Variants in IFITM10 observed in about 807,000 individuals in gnomAD.
IFITM10 encodes interferon induced transmembrane protein 10, also known as interferon-induced transmembrane protein 10.
IFITM10 carries 17 observed loss-of-function variants against 19.0 expected under a neutral mutation model. The observed-to-expected ratio is 0.90, with a 90% CI of 0.61 to 1.34. The LOEUF is 1.34. Among genes scored for constraint, IFITM10 ranks in the 40% most tolerant of loss-of-function variants. The probability of loss-of-function intolerance (pLI) is 0.00; values close to 1 mark genes in which losing one functional copy is unlikely to be tolerated. For synonymous variants in IFITM10, 148 were observed against 147.2 expected, an observed-to-expected ratio of 1.01 and a Z score of -0.04; for missense variants, 306 against 319.8, an observed-to-expected ratio of 0.96 and a Z score of 0.33.
chr11:1,739,223 T>G (rs1465298463), intron 2 of IFITM10, among the ~76,000 whole-genome samples: 1 of 152,066 alleles, frequency 6.6e-6, no homozygotes, highest in East Asian at 1.9e-4. Context: ...CTGGATATAG[T>G]AACGGATGCT....
intron 2 of IFITM10, chr11:1,746,372 G>A: frequency 2.5e-6 from 1 of 395,224 alleles, no homozygotes. Flanking sequence ...AAAAATATAT[G>A]TACACACTCA....
chr11:1,747,771 G>T lies in IFITM10; in HGVS notation c.433C>A (p.Pro145Thr). ...TNPTTVIEVY[P>T]DTTEVNDYYL... ...TAGTCGTTCACCTCGGTGGTGTCCG[G>T]GTAGACCTCGATGACGGTCGTGGGG... Residue 145 changes from proline (P) to threonine (T), a missense_variant, in exon 2 of 3, where the codon CCG (proline) becomes ACG (threonine). By Grantham distance (38) the Pro-to-Thr change is conservative. Coordinates refer to ENST00000340134, the MANE Select transcript of IFITM10 (RefSeq NM_001170820.4). 6.4e-7 allele frequency: 1 copy of T among 1,551,790 alleles called. No homozygotes were observed.
At position 1,747,805 on chromosome 11, in the gene IFITM10, C is replaced by G. The variant is rs1845668056; in HGVS notation, c.399G>C (p.Thr133=). The G allele has an allele frequency of 6.4e-7, 1 of 1,550,698 alleles. No homozygotes were observed. Among genetic ancestry groups the G allele is most frequent in the Non-Finnish European group, 8.7e-7 (1 of 1,146,246 alleles). The change falls in exon 2 of 3, where the codon ACG becomes ACC. Residue 133 remains threonine, a synonymous_variant. Coordinates refer to ENST00000340134, the MANE Select transcript of IFITM10 (RefSeq NM_001170820.4). ...PACKHLAEKK[T]MTNPTTVIEV... Reference sequence around the variant, plus strand: ...CGATGACGGTCGTGGGGTTGGTCATCGTCTTCTTCTCGGCTAGGTGCTTGC... The same window carrying G: ...CGATGACGGTCGTGGGGTTGGTCATGGTCTTCTTCTCGGCTAGGTGCTTGC...
At chr11:1,739,762 T>C (rs575063808) in intron 2 of IFITM10, among the ~76,000 whole-genome samples, 1 of 151,948 alleles carries the variant, frequency 6.6e-6, no homozygotes, top group Non-Finnish European at 1.5e-5. Context: ...GACTCGGCCA[T>C]GTGTTCATCT....
At chr11:1,735,530 G>C in intron 2 of IFITM10, 101 bp from the exon 3 acceptor site, 1 of 1,042,688 alleles carries the variant, frequency 9.6e-7, no homozygotes, top group Non-Finnish European at 1.4e-6. Flanking sequence ...GCTCAGCACA[G>C]TACCAGTGCT....
chr11:1,739,756 C>T (rs1007341869), intron 2 of IFITM10, among the ~76,000 whole-genome samples: 4 of 151,908 alleles, frequency 2.6e-5, no homozygotes, highest in African/African-American at 7.3e-5. Flanking sequence ...GTGACAGACT[C>T]GGCCATGTGT....
rs1023579152 is a variant in IFITM10 at position 1,733,169 on chromosome 11, C to T, written c.*2111G>A. ...CCCACAACCAGGCTGCCCACAGTCT[C>T]GGCAAGGCTTTCAGCCGCCCCTGGC... On this transcript the variant is annotated 3_prime_UTR_variant, in exon 3 of 3. Coordinates refer to ENST00000340134, the MANE Select transcript of IFITM10 (RefSeq NM_001170820.4). This position sits in a 1 kb window ranked among gnomAD's most constrained non-coding sequence, Gnocchi z 6.3. 3 of 152,414 alleles carry T rather than the reference C, an allele frequency of 2.0e-5. No individual in the cohort carries two copies. Among genetic ancestry groups the T allele is most frequent in the Non-Finnish European group, 4.4e-5 (3 of 68,236 alleles). The allele number at this position is 152,414 out of a possible 1,614,324, so 9.4% of individuals were successfully genotyped here.
chr11:1,750,107 C>G (rs1197857151), intron 1 of IFITM10, among the ~76,000 whole-genome samples: 1 of 152,054 alleles, frequency 6.6e-6, no homozygotes, highest in Non-Finnish European at 1.5e-5. Context: ...CCCTTCTGAG[C>G]CTGGTCCCCT....
intron 2 of IFITM10, 25 bp downstream of exon 2, chr11:1,747,642 G>T: frequency 6.5e-7 from 1 of 1,547,232 alleles, no homozygotes; most frequent in Non-Finnish European, 8.7e-7. Flanking sequence ...GCCCGCCCTT[G>T]CCCCCTGCCA....
intron 2 of IFITM10, among the ~76,000 whole-genome samples, chr11:1,742,241 AT>A (rs1195168707): frequency 5.9e-5 from 9 of 152,142 alleles, no homozygotes; most frequent in Admixed American, 5.9e-4. Flanking sequence ...GAGAATGGAC[AT>A]TTTACAGCTG....
At chr11:1,749,118 C>T in intron 1 of IFITM10, 1 of 1,083,426 alleles carries the variant, frequency 9.2e-7, no homozygotes. Flanking sequence ...CGCCTCCCAG[C>T]GGCCCAACCT....
At chr11:1,748,464 C>T (rs1845679623) in intron 1 of IFITM10, 1 of 280,224 alleles carries the variant, frequency 3.6e-6, no homozygotes, top group Non-Finnish European at 6.7e-6. Flanking sequence ...GCACCCCAAA[C>T]AACCCCGCAC....
chr11:1,738,516 C>A (rs1285033429), intron 2 of IFITM10, among the ~76,000 whole-genome samples: 2 of 152,178 alleles, frequency 1.3e-5, no homozygotes, highest in South Asian at 4.1e-4. Flanking sequence ...AAGTGTATGC[C>A]ACATGGGTGG....
At chr11:1,746,191 TACAC>T (rs1202428878) in intron 2 of IFITM10, 23 of 182,274 alleles carry the variant, frequency 1.3e-4, no homozygotes, top group Admixed American at 3.2e-4. Flanking sequence ...TGCACACAGG[TACAC>T]ACACCACACA....
chr11:1,743,853 C>T (rs950592015), intron 2 of IFITM10, among the ~76,000 whole-genome samples: 7 of 152,272 alleles, frequency 4.6e-5, no homozygotes, highest in Admixed American at 3.3e-4. Context: ...GATTTCATGG[C>T]CCTGATCATA....
chr11:1,746,630 G>A, intron 2 of IFITM10: 2 of 398,684 alleles, frequency 5.0e-6, no homozygotes, highest in Non-Finnish European at 8.8e-6. Flanking sequence ...ATGCCGGGCG[G>A]GGTGGGGCTC....
At chr11:1,744,026 A>T (rs1590897492) in intron 2 of IFITM10, among the ~76,000 whole-genome samples, 1 of 152,136 alleles carries the variant, frequency 6.6e-6, no homozygotes, top group East Asian at 1.9e-4. Context: ...TACGTGTCTT[A>T]GTTTATGCCA....
At chr11:1,748,268 G>A (rs150602138) in intron 1 of IFITM10, 149 bp from the exon 2 acceptor site, 21 of 572,048 alleles carry the variant, frequency 3.7e-5, no homozygotes, top group Non-Finnish European at 5.6e-5. Flanking sequence ...TCCCCCACCC[G>A]CCCCGGGCCT....
chr11:1,749,119 G>A (rs758582525), intron 1 of IFITM10: 161 of 1,070,756 alleles, frequency 1.5e-4, no homozygotes, highest in African/African-American at 1.3e-3. Flanking sequence ...GCCTCCCAGC[G>A]GCCCAACCTT....
Sources: allele counts gnomAD v4.1 joint callset (sites outside exome capture counted in the v4.1 genomes callset), GRCh38; gene constraint gnomAD v4.1.1; non-coding constraint Gnocchi (gnomAD v3.1); transcripts MANE v1.5; gene names NCBI Gene and HGNC (gene_info 2026-07-23, HGNC 2026-07-21).